The following TMEM217 variants were observed in gnomAD, a reference collection of about 807,000 sequenced individuals.
The protein encoded by TMEM217 is chromosome 6 open reading frame 128.
For missense variants in TMEM217, 204 were observed against 248.8 expected, an observed-to-expected ratio of 0.82 and a Z score of 1.21; for synonymous variants, 76 against 88.3, an observed-to-expected ratio of 0.86 and a Z score of 0.78.
At chr6:37,246,849 G>A (rs1765111660) in intron 1 of TMEM217, among the ~76,000 whole-genome samples, 1 of 151,356 alleles carries the variant, frequency 6.6e-6, no homozygotes, top group Non-Finnish European at 1.5e-5. Flanking sequence ...GCCGCAGTGA[G>A]CCATGATTGT....
rs755752365 is a variant in TMEM217 at position 37,226,281 on chromosome 6, C to CTTTTTTTT, written c.-11-7248_-11-7241dup. On this transcript the variant is annotated intron_variant, in intron 1 of 1. Transcript: ENST00000357219. ...TTTTATTTTGTTTTTTTGAGACAGT[C>CTTTTTTTT]TTTTTTTTTTTTTTTTTTTTTTTTT... 5.6e-4 allele frequency among the ~76,000 whole-genome samples: 42 copies of CTTTTTTTT among 74,896 alleles called. 3 individuals are homozygous for CTTTTTTTT. The highest frequency in any genetic ancestry group is 8.8e-4 in the Non-Finnish European group (34 of 38,688). 49.1% of individuals were successfully genotyped at this position (74,896 alleles called of 152,430 possible). A position where few individuals can be genotyped will look rare whatever the true frequency, so the allele number is the denominator to read the frequency against.
At chr6:37,216,566 C>G (rs1468731838), downstream of TMEM217, among the ~76,000 whole-genome samples, 1 of 152,044 alleles carries the variant, frequency 6.6e-6, no homozygotes, top group African/African-American at 2.4e-5. Flanking sequence ...GGGATGAGCA[C>G]CTGGATGGAG....
chr6:37,255,430 C>T (rs1180085781), intron 1 of TMEM217, among the ~76,000 whole-genome samples: 1 of 152,138 alleles, frequency 6.6e-6, no homozygotes, highest in Non-Finnish European at 1.5e-5. Context: ...ACCTGTAATA[C>T]TAGCTCTCTG....
downstream of TMEM217, among the ~76,000 whole-genome samples, chr6:37,216,789 G>T (rs921901061): frequency 2.0e-5 from 3 of 152,178 alleles, no homozygotes; most frequent in African/African-American, 7.2e-5. Flanking sequence ...GAGCCCTCAT[G>T]AATGGAATAA....
downstream of TMEM217, chr6:37,215,106 A>G: frequency 6.5e-7 from 1 of 1,531,918 alleles, no homozygotes; most frequent in South Asian, 1.2e-5. Context: ...CACCCTCGGC[A>G]CCTCTCTCTT....
In TMEM217 at chr6:37,224,182, G is replaced by A. The variant is rs1368236123; in HGVS notation, c.-11-5141C>T. Among the ~76,000 whole-genome samples, 3 of 145,238 alleles carry A rather than the reference G, an allele frequency of 2.1e-5. No homozygotes were observed. In the East Asian group the frequency reaches 6.6e-4, roughly 32 times the overall value. ...TTGAACTCCTGACCTCAAATGATCC[G>A]CCTGCCTCGGCCTCCCAAAGTGCTG... On this transcript the variant is annotated intron_variant, in intron 1 of 1. Coordinates refer to ENST00000357219, the Ensembl canonical transcript of TMEM217.
intron 1 of TMEM217, among the ~76,000 whole-genome samples, chr6:37,238,576 A>G (rs425267): frequency 0.91 from 139,162 of 152,226 alleles, 63,740 homozygotes; most frequent in African/African-American, 0.98. Flanking sequence ...AACCTGCTGG[A>G]AGATCTAGGA....
chr6:37,257,097 A>G (rs1483059565), intron 1 of TMEM217, among the ~76,000 whole-genome samples: 1 of 152,216 alleles, frequency 6.6e-6, no homozygotes, highest in Admixed American at 6.5e-5. Context: ...GTATTTGGTA[A>G]TCTGAGTTGG....
downstream of TMEM217, among the ~76,000 whole-genome samples, chr6:37,217,345 G>A (rs1460282939): frequency 6.6e-6 from 1 of 152,198 alleles, no homozygotes; most frequent in Non-Finnish European, 1.5e-5. Context: ...GCAAAGTGAT[G>A]TCTGTTTATT....
At chr6:37,229,335 GTTT>G (rs372385535) in intron 1 of TMEM217, among the ~76,000 whole-genome samples, 7 of 74,368 alleles carry the variant, frequency 9.4e-5, no homozygotes, top group Non-Finnish European at 1.2e-4. Flanking sequence ...GCAACTTTCA[GTTT>G]TTTTTTTTTT....
At chr6:37,212,706 G>C, downstream of TMEM217, 1 of 639,896 alleles carries the variant, frequency 1.6e-6, no homozygotes, top group Non-Finnish European at 2.9e-6. Flanking sequence ...ACATGGCATA[G>C]ATCAGCAGCC....
chr6:37,245,806 T>TTC lies in TMEM217; in HGVS notation c.-12+11761_-12+11762insGA, dbSNP rs1270925105. Reference sequence around the variant, plus strand: ...TTCTTTTCTTTCTTTCTTTCTTTCTTTTTTTTTTTTGAGAGGGAGTTTTGC... The same window carrying TTC: ...TTCTTTTCTTTCTTTCTTTCTTTCTTTCTTTTTTTTTTGAGAGGGAGTTTTGC... On this transcript the variant is annotated intron_variant, in intron 1 of 1. Transcript: ENST00000357219. 2.6e-3 allele frequency among the ~76,000 whole-genome samples: 44 copies of TTC among 17,184 alleles called. No homozygotes were observed. The East Asian group carries it at 0.076, about 30-fold the overall frequency. 11.3% of individuals were successfully genotyped at this position (17,184 alleles called of 152,430 possible). A position where few individuals can be genotyped will look rare whatever the true frequency, so the allele number is the denominator to read the frequency against.
At chr6:37,222,256 G>C (rs748473018) in intron 1 of TMEM217, among the ~76,000 whole-genome samples, 1 of 152,192 alleles carries the variant, frequency 6.6e-6, no homozygotes, top group East Asian at 1.9e-4. Flanking sequence ...CTGAGGGTGG[G>C]GCCTTACTGA....
At chr6:37,215,082 C>G, downstream of TMEM217, 1 of 1,389,650 alleles carries the variant, frequency 7.2e-7, no homozygotes, top group Non-Finnish European at 9.8e-7. Context: ...CTCTGCTGCC[C>G]CAGCCTTGGT....
intron 1 of TMEM217, among the ~76,000 whole-genome samples, chr6:37,254,522 T>C (rs1765608229): frequency 6.6e-6 from 1 of 152,174 alleles, no homozygotes; most frequent in Non-Finnish European, 1.5e-5. Flanking sequence ...AGAAGACTGT[T>C]CTTCAACCAA....
At chr6:37,234,295 T>C (rs1764367891) in intron 1 of TMEM217, among the ~76,000 whole-genome samples, 1 of 152,126 alleles carries the variant, frequency 6.6e-6, no homozygotes, top group Non-Finnish European at 1.5e-5. Flanking sequence ...AGGTGGGGTT[T>C]CTCCATGTTG....
At chr6:37,223,140 G>C (rs1013119047) in intron 1 of TMEM217, among the ~76,000 whole-genome samples, 1 of 151,934 alleles carries the variant, frequency 6.6e-6, no homozygotes, top group Non-Finnish European at 1.5e-5. Context: ...AGACATGAAA[G>C]ACATAATAAG....
intron 1 of TMEM217, among the ~76,000 whole-genome samples, chr6:37,232,110 G>C (rs868086229): frequency 9.9e-5 from 15 of 152,156 alleles, no homozygotes; most frequent in African/African-American, 3.1e-4. Context: ...TTGGGGGGGA[G>C]AGAGGGGTGA....
intron 1 of TMEM217, among the ~76,000 whole-genome samples, chr6:37,253,002 A>T (rs190986422): frequency 6.6e-6 from 1 of 152,146 alleles, no homozygotes; most frequent in African/African-American, 2.4e-5. Context: ...AAGTACCAAG[A>T]TGTATATAAT....
Sources: gnomAD v4.1 joint callset for allele counts (sites outside exome capture counted in the v4.1 genomes callset) on GRCh38, gnomAD v4.1.1 for gene constraint, MANE v1.5 for transcripts, NCBI Gene and HGNC (gene_info 2026-07-23, HGNC 2026-07-21) for gene names.